CD34: variants seen among roughly 807,000 people sequenced by gnomAD.
CD34 encodes the protein CD34 molecule, also known as hematopoietic progenitor cell antigen CD34.
Under a neutral mutation model 40.1 loss-of-function variants are expected in CD34, and 34 were observed. That is an observed-to-expected ratio of 0.85 (90% CI 0.65 to 1.13). The LOEUF (loss-of-function observed/expected upper bound fraction) is 1.13, where lower values mean the gene tolerates loss of function less well. CD34 is among the 50% of genes most tolerant of loss of function. CD34 has a pLI of 0.00. For missense variants in CD34, 426 were observed against 466.9 expected, an observed-to-expected ratio of 0.91 and a Z score of 0.81; for synonymous variants, 209 against 190.0, an observed-to-expected ratio of 1.10 and a Z score of -0.82.
chr1:207,890,133 C>A, intron 4 of CD34: 1 of 1,074,860 alleles, frequency 9.3e-7, no homozygotes, highest in Non-Finnish European at 1.1e-6. Context: ...AAGTGCATTG[C>A]TCAAACTGAA....
Position 207,882,372 on chromosome 1 carries a change from G to T in CD34, c.*5366C>A, listed in dbSNP as rs1661825567. 6.6e-6 allele frequency: 1 copy of T among 152,204 alleles called. No individual in the cohort carries two copies. The highest frequency in any genetic ancestry group is 1.5e-5 in the Non-Finnish European group (1 of 68,034). The allele number at this position is 152,204 out of a possible 1,614,324, so 9.4% of individuals were successfully genotyped here. On this transcript the variant is annotated 3_prime_UTR_variant, in exon 8 of 8. Transcript: ENST00000310833. ...CTGGACCCACCAGTGTGGTATCAAA[G>T]GAGGGGTGCTAAACAGAATCTTTCA... is the stretch of plus-strand genomic sequence containing the variant.
intron 4 of CD34, 114 bp from the exon 5 acceptor site, chr1:207,889,735 T>C: frequency 6.3e-7 from 1 of 1,588,660 alleles, no homozygotes; most frequent in African/African-American, 1.4e-5. Context: ...AGAAGGATCC[T>C]TGTTTCTAAA....
Position 207,897,576 on chromosome 1 carries a change from G to C in CD34, c.517-3C>G. ...ATGCCTGAACATTTGATTTCTGCCT[G>C]TATTAAAACAAAAACAATAACAAAA... On this transcript the variant is annotated splice_region_variant and splice_polypyrimidine_tract_variant and intron_variant, in intron 3 of 7. Transcript: ENST00000310833. 1.3e-6 allele frequency: 2 copies of C among 1,548,554 alleles called. No individual in the cohort carries two copies. Among genetic ancestry groups the C allele is most frequent in the Non-Finnish European group, 1.7e-6 (2 of 1,143,928 alleles).
At chr1:207,903,072 G>A (rs1221747740) in intron 1 of CD34, among the ~76,000 whole-genome samples, 1 of 152,202 alleles carries the variant, frequency 6.6e-6, no homozygotes, top group Non-Finnish European at 1.5e-5. Flanking sequence ...GGAAATGCCT[G>A]AGCTGGTGCA....
At chr1:207,889,268 C>T (rs959571999) in intron 5 of CD34, 55 bp from the exon 6 acceptor site, 38 of 1,613,216 alleles carry the variant, frequency 2.4e-5, no homozygotes, top group Admixed American at 5.0e-5. Flanking sequence ...TTATCCTGCT[C>T]CACCCTCCCA....
Position 207,882,542 on chromosome 1 carries a change from C to A in CD34, c.*5196G>T, listed in dbSNP as rs994672919. 1 of 152,154 alleles carries A rather than the reference C, an allele frequency of 6.6e-6. No homozygotes were observed. The highest frequency in any genetic ancestry group is 1.5e-5 in the Non-Finnish European group (1 of 68,030). The allele number at this position is 152,154 out of a possible 1,614,324, so 9.4% of individuals were successfully genotyped here. ...ATTGAGATGATAAAGATGTTGAAAC[C>A]ATCTGACAAGAATTTTAAAACAGAC... On this transcript the variant is annotated 3_prime_UTR_variant, in exon 8 of 8. Coordinates refer to ENST00000310833, the MANE Select transcript of CD34 (RefSeq NM_001025109.2).
chr1:207,885,057 G>A lies in CD34; in HGVS notation c.*2681C>T, dbSNP rs1661875222. On this transcript the variant is annotated 3_prime_UTR_variant, in exon 8 of 8. Coordinates refer to ENST00000310833, the MANE Select transcript of CD34 (RefSeq NM_001025109.2). The stretch of plus-strand genomic sequence containing the variant: ...ACCTCCCTTCTCTGAGCCTTAGTTT[G>A]TCTTTAACTATACCATAAGGGAGTT... 1.3e-5 allele frequency: 2 copies of A among 152,282 alleles called. No homozygotes were observed. Among genetic ancestry groups the A allele is most frequent in the Middle Eastern group, 3.4e-3 (1 of 294 alleles). The allele number at this position is 152,282 out of a possible 1,614,324, so 9.4% of individuals were successfully genotyped here.
intron 4 of CD34, among the ~76,000 whole-genome samples, chr1:207,893,397 A>G (rs953902274): frequency 6.6e-6 from 1 of 152,122 alleles, no homozygotes; most frequent in African/African-American, 2.4e-5. Context: ...CCCTTTTAAT[A>G]TAATTTTATC....
Position 207,885,228 on chromosome 1 carries a change from G to C in CD34, c.*2510C>G, listed in dbSNP as rs1169078809. 1.3e-5 allele frequency: 2 copies of C among 152,178 alleles called. No homozygotes were observed. Among genetic ancestry groups the C allele is most frequent in the African/African-American group, 2.4e-5 (1 of 41,428 alleles). The allele number at this position is 152,178 out of a possible 1,614,324, so 9.4% of individuals were successfully genotyped here. A position where few individuals can be genotyped will look rare whatever the true frequency, so the allele number is the denominator to read the frequency against. ...GCGATTGAGCTGAGGCTGAGCAGTA[G>C]GACCTCAATAAGGCCAGCAGGTGGC... On this transcript the variant is annotated 3_prime_UTR_variant, in exon 8 of 8. Coordinates refer to ENST00000310833, the MANE Select transcript of CD34 (RefSeq NM_001025109.2).
At position 207,899,837 on chromosome 1, in the gene CD34, G is replaced by T. The variant is rs1662237618; in HGVS notation, c.246C>A (p.Ala82=). 1.2e-6 allele frequency: 2 copies of T among 1,611,214 alleles called. No individual in the cohort carries two copies. The highest frequency in any genetic ancestry group is 8.5e-7 in the Non-Finnish European group (1 of 1,178,880). Residue 82 remains alanine (A), a synonymous_variant, in exon 2 of 8, where the codon GCC becomes GCA. Coordinates refer to ENST00000310833, the MANE Select transcript of CD34 (RefSeq NM_001025109.2). ...TGTTTTTACCTGTGATGTTTGTTGT[G>T]GCCTCATTGCCATGTTGAGACACAG... The part of the protein sequence containing the change: ...LHPVSQHGNE[A]TTNITETTVK...
chr1:207,899,754 C>T (rs1402778883), intron 2 of CD34, 67 bp downstream of exon 2: 6 of 1,434,116 alleles, frequency 4.2e-6, no homozygotes, highest in Non-Finnish European at 5.7e-6. Context: ...GGTCTGAAAA[C>T]ATCCTAAATG....
intron 7 of CD34, 113 bp downstream of exon 7, chr1:207,888,569 A>G: frequency 9.8e-7 from 1 of 1,015,410 alleles, no homozygotes. Context: ...TCTTTATGTA[A>G]GCTCACAGAA....
At position 207,893,096 on chromosome 1, in the gene CD34, G is replaced by A. The variant is rs141240699; in HGVS notation, c.598-3475C>T. On this transcript the variant is annotated intron_variant, in intron 4 of 7. Coordinates refer to ENST00000310833, the MANE Select transcript of CD34 (RefSeq NM_001025109.2). ...AAGAGAGGCTGTGGGCAAACATCAC[G>A]GGAGAGTGGGCAGGAGGAAGACACA... is the stretch of plus-strand genomic sequence containing the variant. Among the ~76,000 whole-genome samples, 823 of 152,240 alleles carry A rather than the reference G, an allele frequency of 5.4e-3. 8 individuals are homozygous for A. Among genetic ancestry groups the A allele is most frequent in the Middle Eastern group, 0.017 (5 of 294 alleles).
intron 1 of CD34, among the ~76,000 whole-genome samples, chr1:207,904,408 G>GA (rs1348524770): frequency 6.6e-5 from 10 of 152,332 alleles, no homozygotes; most frequent in South Asian, 4.2e-4. Flanking sequence ...GTATCACCAG[G>GA]AAGGCGGTAT....
intron 1 of CD34, among the ~76,000 whole-genome samples, chr1:207,908,444 G>A (rs1238534885): frequency 1.3e-5 from 2 of 152,244 alleles, no homozygotes; most frequent in Non-Finnish European, 2.9e-5. Flanking sequence ...TTCAAAGGGT[G>A]GAGTCCTCTC....
rs1442652808 is a variant in CD34, at chr1:207,886,216, GCTC to G, written c.*1519_*1521del. The G allele has an allele frequency of 6.6e-6, 1 of 152,204 alleles. No individual in the cohort carries two copies. Among genetic ancestry groups the G allele is most frequent in the Non-Finnish European group, 1.5e-5 (1 of 68,102 alleles). The allele number at this position is 152,204 out of a possible 1,614,324, so 9.4% of individuals were successfully genotyped here. A position where few individuals can be genotyped will look rare whatever the true frequency, so the allele number is the denominator to read the frequency against. On this transcript the variant is annotated 3_prime_UTR_variant, in exon 8 of 8. Coordinates refer to ENST00000310833, the MANE Select transcript of CD34 (RefSeq NM_001025109.2). ...CATATTTTGCAGCAGTGATCAGCATGCTCCTCTTCTCAGAAGGGTGTTCATGAA... is the reference window on the plus strand; with the variant it reads ...CATATTTTGCAGCAGTGATCAGCATGCTCTTCTCAGAAGGGTGTTCATGAA...
At chr1:207,888,191 A>T in intron 7 of CD34, 1 of 1,551,576 alleles carries the variant, frequency 6.4e-7, no homozygotes, top group Non-Finnish European at 8.9e-7. Context: ...CCGCAGGAAA[A>T]CGGGCAGTTC....
rs1433740816 is a variant in CD34 at position 207,885,207 on chromosome 1, T to C, written c.*2531A>G. 6.6e-6 allele frequency: 1 copy of C among 152,146 alleles called. No individual in the cohort carries two copies. The highest frequency in any genetic ancestry group is 6.6e-5 in the Admixed American group (1 of 15,266). 9.4% of individuals were successfully genotyped at this position (152,146 alleles called of 1,614,324 possible). On this transcript the variant is annotated 3_prime_UTR_variant, in exon 8 of 8. Coordinates refer to ENST00000310833, the MANE Select transcript of CD34 (RefSeq NM_001025109.2). ...GGAGAGAAGCCCAACATGGAGGCGATTGAGCTGAGGCTGAGCAGTAGGACC... is the reference window on the plus strand; with the variant it reads ...GGAGAGAAGCCCAACATGGAGGCGACTGAGCTGAGGCTGAGCAGTAGGACC...
chr1:207,895,607 A>T (rs1662135908), intron 4 of CD34, among the ~76,000 whole-genome samples: 1 of 152,210 alleles, frequency 6.6e-6, no homozygotes, highest in South Asian at 2.1e-4. Context: ...AGGAGGAATT[A>T]TTTCTAAAAG....
Sources: allele counts gnomAD v4.1 joint callset (sites outside exome capture counted in the v4.1 genomes callset), GRCh38; gene constraint gnomAD v4.1.1; transcripts MANE v1.5; gene names NCBI Gene and HGNC (gene_info 2026-07-23, HGNC 2026-07-21).